PALS1: variants seen among roughly 807,000 people sequenced by gnomAD.
The protein encoded by PALS1 is protein PALS1.
PALS1 carries 31 observed loss-of-function variants against 78.9 expected under a neutral mutation model. The observed-to-expected ratio is 0.39, with a 90% confidence interval of 0.30 to 0.53. The LOEUF is 0.53. Among genes scored for constraint, PALS1 ranks in the 20% least tolerant of loss-of-function variants. The pLI, the probability that PALS1 is intolerant of heterozygous loss-of-function variation, is 0.67. For missense variants in PALS1, 704 were observed against 826.5 expected (o/e 0.85, Z 1.82); for synonymous variants, 276 against 270.9 (o/e 1.02, Z -0.18).
chr14:67,299,584 G>A (rs923498730), intron 4 of PALS1, among the ~76,000 whole-genome samples: 1 of 152,186 alleles, frequency 6.6e-6, no homozygotes, highest in Non-Finnish European at 1.5e-5. Flanking sequence ...AGGGATTAGA[G>A]TATTTTTATA....
chr14:67,280,853 T>TTCCTTCCTTCCTTCCTTCCTTCCTTCCC (rs1328488242), intron 3 of PALS1, among the ~76,000 whole-genome samples: 1 of 77,576 alleles, frequency 1.3e-5, no homozygotes, highest in Non-Finnish European at 2.1e-5. Context: ...CCTTCCTTCC[T>TTCCTTCCTTCCTTCCTTCCTTCCTTCCC]TCCCTCCCTC....
chr14:67,306,668 CCTT>C (rs923499361), intron 8 of PALS1, among the ~76,000 whole-genome samples: 3 of 152,096 alleles, frequency 2.0e-5, no homozygotes, highest in African/African-American at 7.2e-5. Context: ...ATGCCCAGCC[CCTT>C]CTTTTCTCTT....
At chr14:67,297,127 A>G (rs1014437365) in intron 4 of PALS1, among the ~76,000 whole-genome samples, 1 of 152,254 alleles carries the variant, frequency 6.6e-6, no homozygotes, top group Non-Finnish European at 1.5e-5. Flanking sequence ...TAATAATACC[A>G]GAAACCAATA....
intron 3 of PALS1, among the ~76,000 whole-genome samples, chr14:67,280,792 TTTCCTTCCTTCC>T (rs781369868): frequency 0.01 from 805 of 77,622 alleles, 7 homozygotes; most frequent in Middle Eastern, 0.025. Context: ...TCTGGAGCAG[TTTCCTTCCTTCC>T]TTCCTTCCTT....
intron 8 of PALS1, 98 bp downstream of exon 8, chr14:67,303,697 C>CAAATAG (rs2084961085): frequency 1.3e-6 from 1 of 751,200 alleles, no homozygotes; most frequent in South Asian, 1.7e-5. Flanking sequence ...TTCCTGTACT[C>CAAATAG]AAATAAATTC....
At chr14:67,302,256 A>G in intron 6 of PALS1, 138 bp downstream of exon 6, 1 of 1,131,474 alleles carries the variant, frequency 8.8e-7, no homozygotes, top group Non-Finnish European at 1.2e-6. Flanking sequence ...CAACTTTTAA[A>G]TCTAATTACA....
Position 67,321,153 on chromosome 14 carries a change from T to TGA in PALS1, c.1634_1635insGA (p.Phe545LeufsTer17), listed in dbSNP as rs2085257199. 1.2e-6 allele frequency: 2 copies of TGA among 1,614,102 alleles called. No individual in the cohort carries two copies. The highest frequency in any genetic ancestry group is 1.7e-6 in the Non-Finnish European group (2 of 1,180,052). On this transcript the variant is annotated frameshift_variant, in exon 13 of 15. Coordinates refer to ENST00000261681, the MANE Select transcript of PALS1 (RefSeq NM_022474.4). LOFTEE classifies it high-confidence loss of function. Reference sequence around the variant, plus strand: ...GAGGCAGACATAGCAGCTGGAAAGTTCATTGAGCATGGTGAATTTGAGAAG... The same window carrying TGA: ...GAGGCAGACATAGCAGCTGGAAAGTTGACATTGAGCATGGTGAATTTGAGAAG...
chr14:67,316,424 G>T (rs1329621955), intron 9 of PALS1, among the ~76,000 whole-genome samples: 1 of 152,152 alleles, frequency 6.6e-6, no homozygotes. Flanking sequence ...AATTGAATAT[G>T]TGATGAATGC....
intron 4 of PALS1, chr14:67,294,363 C>T (rs552867931): frequency 1.3e-5 from 2 of 151,764 alleles, no homozygotes; most frequent in South Asian, 2.1e-4. Flanking sequence ...ATAACAAAAT[C>T]GTAAAGGTTA....
chr14:67,270,246 T>G (rs930995129), intron 2 of PALS1: 2 of 152,220 alleles, frequency 1.3e-5, no homozygotes, highest in Admixed American at 6.5e-5. Flanking sequence ...CTCCCGCAAC[T>G]AAAACCCTTT....
chr14:67,290,033 A>G (rs527458535), intron 3 of PALS1, among the ~76,000 whole-genome samples: 5 of 152,114 alleles, frequency 3.3e-5, no homozygotes, highest in Admixed American at 6.5e-5. Flanking sequence ...TGGTCTCCCA[A>G]AGTGCTGGGA....
intron 6 of PALS1, 46 bp downstream of exon 6, chr14:67,302,164 G>C (rs1039278812): frequency 6.5e-7 from 1 of 1,531,546 alleles, no homozygotes; most frequent in East Asian, 2.4e-5. Flanking sequence ...TTTTTCTGCT[G>C]TTGTGTGCTT....
chr14:67,248,739 G>GCA (rs1396019081), intron 1 of PALS1, among the ~76,000 whole-genome samples: 1 of 152,154 alleles, frequency 6.6e-6, no homozygotes, highest in Non-Finnish European at 1.5e-5. Flanking sequence ...AAACAAATGA[G>GCA]CATGACTTTT....
chr14:67,302,792 A>G (rs1350517115), intron 7 of PALS1, among the ~76,000 whole-genome samples: 1 of 151,888 alleles, frequency 6.6e-6, no homozygotes, highest in African/African-American at 2.4e-5. Flanking sequence ...CATATATTTT[A>G]TTTTTCTGGA....
intron 1 of PALS1, among the ~76,000 whole-genome samples, chr14:67,262,410 G>A (rs1216225101): frequency 6.6e-6 from 1 of 151,992 alleles, no homozygotes; most frequent in African/African-American, 2.4e-5. Flanking sequence ...CCTATTTTAA[G>A]GTTCCATAAT....
chr14:67,287,025 T>C (rs567258282), intron 3 of PALS1, among the ~76,000 whole-genome samples: 3 of 152,162 alleles, frequency 2.0e-5, no homozygotes, highest in East Asian at 3.9e-4. Context: ...CAAGACCAGC[T>C]TGGGTGACAG....
At chr14:67,280,837 T>TTCCTTCCC (rs1555520221) in intron 3 of PALS1, among the ~76,000 whole-genome samples, 16 of 133,446 alleles carry the variant, frequency 1.2e-4, no homozygotes, top group African/African-American at 4.8e-4. Flanking sequence ...CCTTCCTTCC[T>TTCCTTCCC]TCCTTCCTTC....
At chr14:67,293,570 T>G (rs1017413341) in intron 4 of PALS1, among the ~76,000 whole-genome samples, 2 of 152,178 alleles carry the variant, frequency 1.3e-5, no homozygotes, top group African/African-American at 4.8e-5. Flanking sequence ...TCATATTTAC[T>G]TATGGTTTAA....
rs1476157553 is a variant in PALS1, at chr14:67,323,226, TATACAC to T, written c.1741-475_1741-470del. On this transcript the variant is annotated intron_variant, in intron 13 of 14. Coordinates refer to ENST00000261681, the MANE Select transcript of PALS1 (RefSeq NM_022474.4). Reference sequence around the variant, plus strand: ...GTATATATATACATATATACACATATATACACGTGTGTGTGTGTGTGTGTGTGTGTG... The same window carrying T: ...GTATATATATACATATATACACATATGTGTGTGTGTGTGTGTGTGTGTGTG... 1.6e-3 allele frequency among the ~76,000 whole-genome samples: 158 copies of T among 101,650 alleles called. 1 individual carries two copies. The highest frequency in any genetic ancestry group is 0.015 in the Admixed American group (115 of 7,768). The allele number at this position is 101,650 out of a possible 152,430, so 66.7% of individuals were successfully genotyped here. A position where few individuals can be genotyped will look rare whatever the true frequency, so the allele number is the denominator to read the frequency against.
Sources: allele counts gnomAD v4.1 joint callset (sites outside exome capture counted in the v4.1 genomes callset), GRCh38; gene constraint gnomAD v4.1.1; transcripts MANE v1.5; gene names NCBI Gene and HGNC (gene_info 2026-07-23, HGNC 2026-07-21).